NUP85: variants seen among roughly 807,000 people sequenced by gnomAD.
NUP85 encodes the protein nucleoporin 85, also known as nuclear pore complex protein Nup85.
A neutral mutation model predicts 92.8 loss-of-function variants in NUP85; 23 were observed. The observed-to-expected ratio is 0.25, with a 90% confidence interval of 0.18 to 0.35. The LOEUF (loss-of-function observed/expected upper bound fraction) is 0.35, where lower values mean the gene tolerates loss of function less well. Ranked by LOEUF, NUP85 falls within the 10% of genes least tolerant of loss-of-function variation. The pLI is 1.00. For synonymous variants in NUP85, 314 were observed against 306.9 expected, an observed-to-expected ratio of 1.02 and a Z score of -0.24; for missense variants, 759 against 822.8, an observed-to-expected ratio of 0.92 and a Z score of 0.95.
chr17:75,213,233 T>C (rs1335775569), intron 5 of NUP85, 114 bp downstream of exon 5: 1 of 841,914 alleles, frequency 1.2e-6, no homozygotes, highest in Non-Finnish European at 2.0e-6. Flanking sequence ...TTCAGGTAGA[T>C]AGGCAGCTCC....
At chr17:75,211,588 G>A (rs1386520619) in intron 3 of NUP85, among the ~76,000 whole-genome samples, 1 of 151,612 alleles carries the variant, frequency 6.6e-6, no homozygotes, top group Non-Finnish European at 1.5e-5. Flanking sequence ...GTAGAGACAG[G>A]GTTTCACCAG....
At chr17:75,232,077 A>C in intron 14 of NUP85, 98 bp downstream of exon 14, 31 of 1,321,208 alleles carry the variant, frequency 2.3e-5, no homozygotes, top group Non-Finnish European at 3.0e-5. Flanking sequence ...CCTCCTCCTC[A>C]CGAGCCACAC....
At chr17:75,232,215 C>T (rs773904925) in intron 14 of NUP85, 8 of 522,970 alleles carry the variant, frequency 1.5e-5, no homozygotes, top group Non-Finnish European at 2.4e-5. Flanking sequence ...AAGGCCTGAG[C>T]CGCCCCTTTT....
In NUP85 at chr17:75,233,139, T is replaced by C; in HGVS notation, c.1596T>C (p.Ser532=). 6.2e-7 allele frequency: 1 copy of C among 1,614,124 alleles called. No homozygotes were observed. Among genetic ancestry groups the C allele is most frequent in the Non-Finnish European group, 8.5e-7 (1 of 1,180,002 alleles). ...IDNLGPAMML[S]DRLTFLGKYR... is the part of the protein sequence containing the mutation. ...ACCTGGGGCCAGCCATGATGCTCAGTGACCGACTGACATTCCTGGGTGAGT... is the reference window on the plus strand; with the variant it reads ...ACCTGGGGCCAGCCATGATGCTCAGCGACCGACTGACATTCCTGGGTGAGT... The change falls in exon 16 of 19, where the codon AGT becomes AGC. Residue 532 remains serine (S), a synonymous_variant. Coordinates refer to ENST00000245544, the MANE Select transcript of NUP85 (RefSeq NM_024844.5).
chr17:75,215,782 T>C lies in NUP85; in HGVS notation c.434T>C (p.Ile145Thr). The C allele has an allele frequency of 6.2e-7, 1 of 1,614,100 alleles. No homozygotes were observed. The highest frequency in any genetic ancestry group is 8.5e-7 in the Non-Finnish European group (1 of 1,179,910). The stretch of plus-strand genomic sequence containing the variant: ...TCCATTTTGTCAGCAATGGAGCTCA[T>C]CTGGAACCTGTGTGAGATTCTTTTT... Reference protein sequence around the residue: ...QVSILSAMELIWNLCEILFIE... With the variant: ...QVSILSAMELTWNLCEILFIE... The change falls in exon 6 of 19, where the codon ATC becomes ACC. Residue 145 changes from isoleucine to threonine, a missense_variant. Physicochemically the swap from Ile to Thr is moderately conservative, Grantham distance 89 (BLOSUM62 -1). Coordinates refer to ENST00000245544, the MANE Select transcript of NUP85 (RefSeq NM_024844.5).
chr17:75,221,916 G>T (rs1248210056), intron 7 of NUP85, among the ~76,000 whole-genome samples: 1 of 152,188 alleles, frequency 6.6e-6, no homozygotes, highest in Non-Finnish European at 1.5e-5. Flanking sequence ...GATGGGGTTT[G>T]CTGATGGATT....
At chr17:75,232,606 G>C (rs934554883) in intron 14 of NUP85, among the ~76,000 whole-genome samples, 1 of 152,154 alleles carries the variant, frequency 6.6e-6, no homozygotes, top group Non-Finnish European at 1.5e-5. Flanking sequence ...GCAACGTTTT[G>C]CTCCCCTTGA....
At chr17:75,210,420 A>G (rs1252869348) in intron 3 of NUP85, among the ~76,000 whole-genome samples, 1 of 152,252 alleles carries the variant, frequency 6.6e-6, no homozygotes, top group Admixed American at 6.6e-5. Context: ...ATTGTAGTTC[A>G]TAACTTCATC....
intron 5 of NUP85, among the ~76,000 whole-genome samples, chr17:75,214,318 G>T (rs2075363858): frequency 6.6e-6 from 1 of 152,124 alleles, no homozygotes; most frequent in Non-Finnish European, 1.5e-5. Flanking sequence ...TCATCATGGT[G>T]TCTGTGGACT....
chr17:75,218,093 T>C, intron 6 of NUP85, 92 bp from the exon 7 acceptor site: 1 of 1,550,990 alleles, frequency 6.4e-7, no homozygotes, highest in Non-Finnish European at 8.8e-7. Context: ...GTAGTCAGCT[T>C]GTCTGCCTTA....
intron 11 of NUP85, among the ~76,000 whole-genome samples, chr17:75,227,223 C>A (rs972089539): frequency 5.3e-5 from 8 of 151,820 alleles, no homozygotes; most frequent in African/African-American, 1.9e-4. Context: ...TTTCCTTCGC[C>A]CTACCTGCTT....
At chr17:75,206,492 G>A (rs1320787870) in intron 1 of NUP85, among the ~76,000 whole-genome samples, 1 of 151,934 alleles carries the variant, frequency 6.6e-6, no homozygotes, top group Non-Finnish European at 1.5e-5. Context: ...TTTTTCCAAA[G>A]ATGGTTTTGG....
chr17:75,229,582 G>A (rs1015067762), intron 11 of NUP85, among the ~76,000 whole-genome samples: 3 of 152,202 alleles, frequency 2.0e-5, no homozygotes, highest in Non-Finnish European at 4.4e-5. Context: ...GAGACAGAGT[G>A]AGAGTGGGAG....
intron 18 of NUP85, 89 bp from the exon 19 acceptor site, chr17:75,235,489 C>A: frequency 1.2e-6 from 1 of 858,260 alleles, no homozygotes; most frequent in South Asian, 1.5e-5. Context: ...ATGTTAAGTG[C>A]CCTCTACCTT....
At chr17:75,209,756 T>A (rs2075200329) in intron 2 of NUP85, 67 bp from the exon 3 acceptor site, 1 of 1,389,180 alleles carries the variant, frequency 7.2e-7, no homozygotes, top group African/African-American at 1.5e-5. Flanking sequence ...AAAATTTTTT[T>A]AGAGTAGATT....
At chr17:75,207,062 A>G (rs1383798494) in intron 1 of NUP85, among the ~76,000 whole-genome samples, 1 of 152,064 alleles carries the variant, frequency 6.6e-6, no homozygotes, top group African/African-American at 2.4e-5. Context: ...GTCAGAATCA[A>G]CAGATCTTGA....
At chr17:75,207,846 CT>C (rs2145261605) in intron 1 of NUP85, among the ~76,000 whole-genome samples, 1 of 151,992 alleles carries the variant, frequency 6.6e-6, no homozygotes, top group Non-Finnish European at 1.5e-5. Context: ...AAAAATTAGC[CT>C]GGTTTGGTGG....
chr17:75,229,212 G>A lies in NUP85; in HGVS notation c.1095-2128G>A, dbSNP rs1240896962. The A allele has an allele frequency of 3.1e-6, 3 of 967,064 alleles. No individual in the cohort carries two copies. In the African/African-American group the frequency reaches 5.3e-5, roughly 17 times the overall value. 59.9% of individuals were successfully genotyped at this position (967,064 alleles called of 1,614,324 possible). On this transcript the variant is annotated intron_variant, in intron 11 of 18. Coordinates refer to ENST00000245544, the MANE Select transcript of NUP85 (RefSeq NM_024844.5). ...CTAGAATCTTCTGACTTGTATTTTG[G>A]CCCAGCCCACAATCTTGGATGCAGG...
intron 11 of NUP85, chr17:75,227,809 TA>T (rs1398903340): frequency 6.6e-6 from 1 of 151,882 alleles, no homozygotes; most frequent in Non-Finnish European, 1.5e-5. Context: ...GGCTAATTAT[TA>T]TTTTTTTTTT....
Sources: gnomAD v4.1 joint callset for allele counts (sites outside exome capture counted in the v4.1 genomes callset) on GRCh38, gnomAD v4.1.1 for gene constraint, MANE v1.5 for transcripts, NCBI Gene and HGNC (gene_info 2026-07-23, HGNC 2026-07-21) for gene names.